Variants in FAM13A observed in about 807,000 individuals in gnomAD.
FAM13A encodes family with sequence similarity 13 member A.
In FAM13A, 76 loss-of-function variants were observed where a neutral mutation model predicts 129.6. That is an observed-to-expected ratio of 0.59 (90% CI 0.49 to 0.71). FAM13A has a LOEUF of 0.71. Ranked by LOEUF, FAM13A falls within the 30% of genes least tolerant of loss-of-function variation. The pLI, the probability that FAM13A is intolerant of heterozygous loss-of-function variation, is 0.00. For missense variants in FAM13A, 1,108 were observed against 1,249.3 expected, an observed-to-expected ratio of 0.89 and a Z score of 1.70; for synonymous variants, 443 against 449.9, an observed-to-expected ratio of 0.98 and a Z score of 0.20.
chr4:89,046,065 A>G (rs1770816242), intron 1 of FAM13A, among the ~76,000 whole-genome samples: 1 of 151,580 alleles, frequency 6.6e-6, no homozygotes, highest in Non-Finnish European at 1.5e-5. Context: ...ATTATGAGCC[A>G]TATTTAATAA....
At chr4:88,836,587 A>G (rs1734843181) in intron 7 of FAM13A, among the ~76,000 whole-genome samples, 1 of 152,240 alleles carries the variant, frequency 6.6e-6, no homozygotes, top group South Asian at 2.1e-4. Context: ...TATTAATATT[A>G]AGCCAGTTGT....
intron 5 of FAM13A, among the ~76,000 whole-genome samples, chr4:88,923,619 A>G (rs1579299445): frequency 6.6e-6 from 1 of 152,226 alleles, no homozygotes; most frequent in East Asian, 1.9e-4. Context: ...AAAAACTGGA[A>G]GCATTCCCTT....
intron 2 of FAM13A, 64 bp from the exon 3 acceptor site, chr4:89,020,733 G>A (rs780487916): frequency 2.0e-5 from 21 of 1,041,632 alleles, no homozygotes; most frequent in Non-Finnish European, 3.1e-5. Flanking sequence ...CGTAAAGAAT[G>A]ATAACAACAC....
intron 1 of FAM13A, among the ~76,000 whole-genome samples, chr4:89,040,872 C>T (rs1302196086): frequency 6.6e-6 from 1 of 152,154 alleles, no homozygotes. Context: ...GGGTGGGCAC[C>T]ATCTAATCAG....
rs1158510651 is a variant in FAM13A at position 88,750,588 on chromosome 4, A to G, written c.1776T>C (p.Asp592=). 2.5e-6 allele frequency: 4 copies of G among 1,614,024 alleles called. No individual in the cohort carries two copies. The highest frequency in any genetic ancestry group is 1.1e-5 in the South Asian group (1 of 91,088). Residue 592 remains aspartate, a synonymous_variant, in exon 15 of 24, where the codon GAT becomes GAC. Transcript: ENST00000264344. ...CAGCCTGCGGCGAGAGGTGGGCTTCATCAGAGTCACTGTTCTCCCGCTGCC... is the reference window on the plus strand; with the variant it reads ...CAGCCTGCGGCGAGAGGTGGGCTTCGTCAGAGTCACTGTTCTCCCGCTGCC... ...SSWQRENSDS[D]EAHLSPQAGR...
chr4:88,777,552 C>G (rs886959767), intron 11 of FAM13A, among the ~76,000 whole-genome samples: 1 of 152,160 alleles, frequency 6.6e-6, no homozygotes, highest in African/African-American at 2.4e-5. Flanking sequence ...CCCCTGATTT[C>G]TGAGCTCTGA....
intron 13 of FAM13A, among the ~76,000 whole-genome samples, chr4:88,760,405 C>A (rs1744558920): frequency 3.3e-5 from 1 of 30,190 alleles, no homozygotes; most frequent in African/African-American, 6.2e-5. Context: ...GAGATCGAGA[C>A]CATCCTGGCT....
chr4:88,855,239 T>G (rs539007971), intron 6 of FAM13A: 2 of 152,330 alleles, frequency 1.3e-5, no homozygotes, highest in South Asian at 2.1e-4. Context: ...TTTTGGGTAT[T>G]AGAAGTTAAA....
chr4:89,051,951 C>T (rs1771648321), intron 1 of FAM13A, among the ~76,000 whole-genome samples: 1 of 152,204 alleles, frequency 6.6e-6, no homozygotes, highest in Non-Finnish European at 1.5e-5. Flanking sequence ...GCTCCTGCCC[C>T]CATGGCTTTG....
intron 3 of FAM13A, among the ~76,000 whole-genome samples, chr4:89,015,365 A>G (rs1255571520): frequency 6.6e-6 from 1 of 152,118 alleles, no homozygotes; most frequent in African/African-American, 2.4e-5. Flanking sequence ...TCACTAATAA[A>G]AATTTGCTGG....
At chr4:88,907,116 G>T (rs1748297162) in intron 5 of FAM13A, among the ~76,000 whole-genome samples, 1 of 152,168 alleles carries the variant, frequency 6.6e-6, no homozygotes, top group South Asian at 2.1e-4. Context: ...GAACAGAAAT[G>T]ACAGTAATCT....
intron 6 of FAM13A, among the ~76,000 whole-genome samples, chr4:88,864,619 G>C (rs1010671330): frequency 1.1e-4 from 16 of 152,138 alleles, no homozygotes; most frequent in Admixed American, 1.3e-4. Context: ...ATGTTTGCCA[G>C]GATGGTCTCC....
chr4:88,975,706 G>T (rs1760807957), intron 4 of FAM13A, among the ~76,000 whole-genome samples: 2 of 152,180 alleles, frequency 1.3e-5, no homozygotes, highest in Non-Finnish European at 2.9e-5. Context: ...CATTTTAAAT[G>T]CTTTCTTCCA....
rs148714876 is a variant in FAM13A at position 88,749,117 on chromosome 4, T to C, written c.2080-84A>G. ...GTTTGATGATCATTTTTGTTTTAAA[T>C]AGGAAGGAAAAGTTGAGCCCCATCA... On this transcript the variant is annotated intron_variant, in intron 16 of 23. Coordinates refer to ENST00000264344, the MANE Select transcript of FAM13A (RefSeq NM_014883.4). 245 of 999,884 alleles carry C rather than the reference T, an allele frequency of 2.5e-4. No homozygotes were observed. In the African/African-American group the frequency reaches 3.2e-3, roughly 13 times the overall value. The allele number at this position is 999,884 out of a possible 1,614,324, so 61.9% of individuals were successfully genotyped here.
Position 89,049,335 on chromosome 4 carries a change from T to G in FAM13A, c.27+7603A>C, listed in dbSNP as rs759980718. Reference sequence around the variant, plus strand: ...CAGTAGGAGAATTACAGCGTTACAGTGTTAAGTGAAGACTCACTTGTTTAT... The same window carrying G: ...CAGTAGGAGAATTACAGCGTTACAGGGTTAAGTGAAGACTCACTTGTTTAT... On this transcript the variant is annotated intron_variant, in intron 1 of 23. Transcript: ENST00000264344. Among the ~76,000 whole-genome samples, 3 of 152,156 alleles carry G rather than the reference T, an allele frequency of 2.0e-5. No individual in the cohort carries two copies. In the East Asian group the frequency reaches 5.8e-4, roughly 29 times the overall value.
intron 5 of FAM13A, among the ~76,000 whole-genome samples, chr4:88,931,275 C>A (rs1202379915): frequency 6.6e-6 from 1 of 152,136 alleles, no homozygotes; most frequent in Non-Finnish European, 1.5e-5. Flanking sequence ...CTGCTCTAGG[C>A]TTGGATGCCT....
At position 88,842,347 on chromosome 4, in the gene FAM13A, T is replaced by C. The variant is rs573489130; in HGVS notation, c.1007+8673A>G. Among the ~76,000 whole-genome samples, 12 of 152,364 alleles carry C rather than the reference T, an allele frequency of 7.9e-5. No individual in the cohort carries two copies. In the East Asian group the frequency reaches 1.7e-3, roughly 22 times the overall value. ...AACATTTGAAATAATGTGGTTGTAA[T>C]GTAGCTCAGATATAGAATGAAGAAC... is the stretch of plus-strand genomic sequence containing the variant. On this transcript the variant is annotated intron_variant, in intron 7 of 23. Coordinates refer to ENST00000264344, the MANE Select transcript of FAM13A (RefSeq NM_014883.4).
At chr4:88,782,704 T>C (rs1382431671) in intron 10 of FAM13A, among the ~76,000 whole-genome samples, 2 of 152,116 alleles carry the variant, frequency 1.3e-5, no homozygotes, top group African/African-American at 4.8e-5. Flanking sequence ...TTTAGTAAAA[T>C]TATATAAAAG....
intron 3 of FAM13A, among the ~76,000 whole-genome samples, chr4:89,013,549 T>C (rs1452461928): frequency 6.6e-6 from 1 of 152,128 alleles, no homozygotes; most frequent in Non-Finnish European, 1.5e-5. Context: ...CATATATGAC[T>C]ATGGTCCTAT....
Sources: gnomAD v4.1 joint callset for allele counts (sites outside exome capture counted in the v4.1 genomes callset) on GRCh38, gnomAD v4.1.1 for gene constraint, MANE v1.5 for transcripts, NCBI Gene and HGNC (gene_info 2026-07-23, HGNC 2026-07-21) for gene names.